Variants in CNTN6 observed in about 807,000 individuals in gnomAD.
The protein encoded by CNTN6 is contactin-6.
Under a neutral mutation model 122.8 loss-of-function variants are expected in CNTN6, and 137 were observed. That is an observed-to-expected ratio of 1.12 (90% CI 0.97 to 1.29). CNTN6 has a LOEUF of 1.29. Among genes scored for constraint, CNTN6 ranks in the 50% most tolerant of loss-of-function variants. The pLI, the probability that CNTN6 is intolerant of heterozygous loss-of-function variation, is 0.00. For missense variants in CNTN6, 1,634 were observed against 1,223.4 expected (o/e 1.34, Z -5.01); for synonymous variants, 570 against 426.0 (o/e 1.34, Z -4.16).
intron 12 of CNTN6, among the ~76,000 whole-genome samples, chr3:1,356,266 T>C (rs1706539302): frequency 6.6e-6 from 1 of 151,858 alleles, no homozygotes; most frequent in East Asian, 1.9e-4. Context: ...GTTTCCCCAC[T>C]GGAGAAGTTT....
chr3:1,323,920 C>T lies in CNTN6; in HGVS notation c.947-1895C>T, dbSNP rs1017137179. ...ATGTGTTCTGTAGCCGCAATTATTGCATTAAGCATAAAATCAGATATATCT... is the reference window on the plus strand; with the variant it reads ...ATGTGTTCTGTAGCCGCAATTATTGTATTAAGCATAAAATCAGATATATCT... On this transcript the variant is annotated intron_variant, in intron 8 of 22. Transcript: ENST00000446702. 1.4e-4 allele frequency among the ~76,000 whole-genome samples: 19 copies of T among 139,620 alleles called. 1 individual carries two copies. The highest frequency in any genetic ancestry group is 6.0e-4 in the African/African-American group (18 of 30,078). 91.6% of individuals were successfully genotyped at this position (139,620 alleles called of 152,430 possible).
At chr3:1,308,287 T>TTGTGTGTG (rs113198519) in intron 7 of CNTN6, among the ~76,000 whole-genome samples, 7,299 of 144,834 alleles carry the variant, frequency 0.05, 204 homozygotes, top group South Asian at 0.079. Flanking sequence ...ATGGGGTGTT[T>TTGTGTGTG]TGTGTGTGTG....
chr3:1,142,639 T>C (rs1286253332), intron 1 of CNTN6, among the ~76,000 whole-genome samples: 1 of 152,066 alleles, frequency 6.6e-6, no homozygotes, highest in Non-Finnish European at 1.5e-5. Flanking sequence ...TTTTCAGCTT[T>C]GCAAGCCATA....
chr3:1,158,072 T>C (rs1470386544), intron 2 of CNTN6, among the ~76,000 whole-genome samples: 1 of 152,220 alleles, frequency 6.6e-6, no homozygotes, highest in Non-Finnish European at 1.5e-5. Context: ...CTGGATCATA[T>C]GGTAACTCTA....
At chr3:1,402,848 A>T in intron 22 of CNTN6, 1 of 201,498 alleles carries the variant, frequency 5.0e-6, no homozygotes, top group South Asian at 1.1e-4. Context: ...GTAAATATAC[A>T]CCCTTTCCCA....
At chr3:1,242,031 A>C (rs1369914549) in intron 4 of CNTN6, among the ~76,000 whole-genome samples, 1 of 152,222 alleles carries the variant, frequency 6.6e-6, no homozygotes, top group African/African-American at 2.4e-5. Context: ...GTTGTTTTGT[A>C]GAAGGTGCTG....
At chr3:1,139,584 T>TA (rs941077736) in intron 1 of CNTN6, among the ~76,000 whole-genome samples, 16 of 151,436 alleles carry the variant, frequency 1.1e-4, no homozygotes, top group South Asian at 4.2e-4. Flanking sequence ...AATATTGTTT[T>TA]AAAAAAAAAC....
At chr3:1,173,672 C>T (rs542798694) in intron 2 of CNTN6, among the ~76,000 whole-genome samples, 17 of 151,572 alleles carry the variant, frequency 1.1e-4, no homozygotes, top group Middle Eastern at 3.4e-3. Flanking sequence ...TTTGGCTTGG[C>T]GGTTGACAAA....
At chr3:1,118,480 A>C (rs1353786185) in intron 1 of CNTN6, among the ~76,000 whole-genome samples, 2 of 152,194 alleles carry the variant, frequency 1.3e-5, no homozygotes, top group Non-Finnish European at 2.9e-5. Flanking sequence ...AAGATTCACA[A>C]TTCACTGATC....
At chr3:1,133,042 T>C (rs1045290973) in intron 1 of CNTN6, among the ~76,000 whole-genome samples, 2 of 152,118 alleles carry the variant, frequency 1.3e-5, no homozygotes, top group South Asian at 2.1e-4. Context: ...TAGTGCATCA[T>C]GTATACAAGG....
At chr3:1,269,275 C>G (rs1428184036) in intron 4 of CNTN6, among the ~76,000 whole-genome samples, 1 of 152,178 alleles carries the variant, frequency 6.6e-6, no homozygotes, top group Non-Finnish European at 1.5e-5. Flanking sequence ...TATAGATAGT[C>G]TGACCCTAAA....
Position 1,245,301 on chromosome 3 carries a change from TATATATA to T in CNTN6, c.358+17309_358+17315del, listed in dbSNP as rs2094562121. Among the ~76,000 whole-genome samples, 17 of 6,000 alleles carry T rather than the reference TATATATA, an allele frequency of 2.8e-3. 4 individuals are homozygous for T. The highest frequency in any genetic ancestry group is 0.012 in the Admixed American group (5 of 408). 3.9% of individuals were successfully genotyped at this position (6,000 alleles called of 152,430 possible). ...CACACACATATATATATAACATATA[TATATATA>T]TATATATATATATATATATATATAT... On this transcript the variant is annotated intron_variant, in intron 4 of 22. Coordinates refer to ENST00000446702, the MANE Select transcript of CNTN6 (RefSeq NM_001289080.2).
intron 11 of CNTN6, among the ~76,000 whole-genome samples, chr3:1,340,352 G>C (rs1010780987): frequency 6.6e-6 from 1 of 152,082 alleles, no homozygotes; most frequent in Non-Finnish European, 1.5e-5. Context: ...TCACTAAAAG[G>C]TATAGAATAA....
intron 7 of CNTN6, among the ~76,000 whole-genome samples, chr3:1,320,980 T>C (rs1229244613): frequency 6.6e-6 from 1 of 151,706 alleles, no homozygotes; most frequent in Non-Finnish European, 1.5e-5. Flanking sequence ...CAGGCTGCGG[T>C]GTAAATCCAT....
In CNTN6 at chr3:1,158,936, A is replaced by G. The variant is rs999390480; in HGVS notation, c.55+10873A>G. On this transcript the variant is annotated intron_variant, in intron 2 of 22. Transcript: ENST00000446702. The stretch of plus-strand genomic sequence containing the variant: ...TACACACACATATATATATATACAC[A>G]CACACATATATATATATACACACAC... Among the ~76,000 whole-genome samples, 15 of 125,430 alleles carry G rather than the reference A, an allele frequency of 1.2e-4. 1 individual carries two copies. The highest frequency in any genetic ancestry group is 1.8e-4 in the Non-Finnish European group (11 of 61,838). 82.3% of individuals were successfully genotyped at this position (125,430 alleles called of 152,430 possible). A position where few individuals can be genotyped will look rare whatever the true frequency, so the allele number is the denominator to read the frequency against.
chr3:1,345,859 C>T, intron 11 of CNTN6, among the ~76,000 whole-genome samples: 1 of 152,050 alleles, frequency 6.6e-6, no homozygotes, highest in East Asian at 1.9e-4. Flanking sequence ...ATTAAAATTT[C>T]ATGGTCTACA....
chr3:1,337,277 C>G (rs1374524672), intron 11 of CNTN6, among the ~76,000 whole-genome samples: 3 of 152,134 alleles, frequency 2.0e-5, no homozygotes, highest in Admixed American at 6.6e-5. Context: ...TAATGGGAGT[C>G]TGGCTGCCTG....
At chr3:1,124,809 T>G (rs974708424) in intron 1 of CNTN6, among the ~76,000 whole-genome samples, 6 of 151,952 alleles carry the variant, frequency 3.9e-5, no homozygotes, top group African/African-American at 1.4e-4. Flanking sequence ...CTGACTTTCC[T>G]TAGACCAAAT....
chr3:1,227,783 A>T, intron 3 of CNTN6, 35 bp from the exon 4 acceptor site: 24 of 1,601,762 alleles, frequency 1.5e-5, no homozygotes, highest in Non-Finnish European at 2.0e-5. Flanking sequence ...TTGACTCTGT[A>T]TATTATAAGC....
Sources: allele counts gnomAD v4.1 joint callset (sites outside exome capture counted in the v4.1 genomes callset), GRCh38; gene constraint gnomAD v4.1.1; transcripts MANE v1.5; gene names NCBI Gene and HGNC (gene_info 2026-07-23, HGNC 2026-07-21).